The following CAMK4 variants were observed in gnomAD, a reference collection of about 807,000 sequenced individuals.
CAMK4 encodes calcium/calmodulin dependent protein kinase IV, also known as calcium/calmodulin-dependent protein kinase type IV.
Under a neutral mutation model 44.9 loss-of-function variants are expected in CAMK4, and 22 were observed. The observed-to-expected ratio is 0.49, with a 90% CI of 0.35 to 0.70. The LOEUF is 0.70. CAMK4 is among the 30% of genes least tolerant of loss of function. The pLI, the probability that CAMK4 is intolerant of heterozygous loss-of-function variation, is 0.01. For missense variants in CAMK4, 498 were observed against 586.8 expected (o/e 0.85, Z 1.56); for synonymous variants, 218 against 215.4 (o/e 1.01, Z -0.11).
chr5:111,243,839 A>T lies in CAMK4; in HGVS notation c.161+19195A>T, dbSNP rs989355156. Among the ~76,000 whole-genome samples the T allele has an allele frequency of 5.3e-5, 8 of 152,328 alleles. No individual in the cohort carries two copies. In the East Asian group the frequency reaches 1.5e-3, roughly 29 times the overall value. On this transcript the variant is annotated intron_variant, in intron 1 of 10. Coordinates refer to ENST00000282356, the MANE Select transcript of CAMK4 (RefSeq NM_001744.6). ...GATATTGTGACTGTATCTTGTGCCT[A>T]TAGCTGCACGAATGCAACATGCATT... is the stretch of plus-strand genomic sequence containing the variant.
chr5:111,335,267 C>T (rs1749351896), intron 1 of CAMK4, among the ~76,000 whole-genome samples: 3 of 151,380 alleles, frequency 2.0e-5, no homozygotes, highest in Admixed American at 1.3e-4. Context: ...TAGGAGAATG[C>T]CCTTGATGCT....
chr5:111,335,725 G>C (rs1749373759), intron 1 of CAMK4, among the ~76,000 whole-genome samples: 1 of 151,144 alleles, frequency 6.6e-6, no homozygotes, highest in South Asian at 2.1e-4. Flanking sequence ...CATAAGTTTG[G>C]CATGCAGTGC....
intron 4 of CAMK4, 51 bp downstream of exon 4, chr5:111,376,993 A>G: frequency 1.8e-6 from 2 of 1,132,876 alleles, no homozygotes; most frequent in East Asian, 4.8e-5. Flanking sequence ...TTTGGCCACC[A>G]AAAAATAATC....
chr5:111,355,506 A>ATTTATTTATTTAT (rs1750303605), intron 2 of CAMK4, among the ~76,000 whole-genome samples: 1 of 150,420 alleles, frequency 6.6e-6, no homozygotes, highest in Non-Finnish European at 1.5e-5. Context: ...TTATTTATTT[A>ATTTATTTATTTAT]TTTATTTTAT....
intron 1 of CAMK4, among the ~76,000 whole-genome samples, chr5:111,317,239 A>T (rs1228778784): frequency 6.6e-6 from 1 of 152,148 alleles, no homozygotes; most frequent in Non-Finnish European, 1.5e-5. Flanking sequence ...CTAAAAAATG[A>T]ATGTCAAATT....
At position 111,486,316 on chromosome 5, in the gene CAMK4, G is replaced by A. The variant is rs1034082629; in HGVS notation, c.*1850G>A. The A allele has an allele frequency of 9.9e-5, 15 of 152,006 alleles. No homozygotes were observed. Among genetic ancestry groups the A allele is most frequent in the African/African-American group, 3.1e-4 (13 of 41,364 alleles). 9.4% of individuals were successfully genotyped at this position (152,006 alleles called of 1,614,324 possible). On this transcript the variant is annotated 3_prime_UTR_variant, in exon 11 of 11. Transcript: ENST00000282356. ...TTTGTTTTATTTGTACTATCTAGTA[G>A]AGAGCACTTTTCTTATTCCCTCTTT...
intron 1 of CAMK4, among the ~76,000 whole-genome samples, chr5:111,256,337 G>A (rs953967971): frequency 3.2e-4 from 48 of 152,292 alleles, no homozygotes; most frequent in African/African-American, 1.1e-3. Flanking sequence ...TGATACTATT[G>A]TGGGGATGTA....
At chr5:111,289,365 A>G (rs1454145452) in intron 1 of CAMK4, among the ~76,000 whole-genome samples, 1 of 152,168 alleles carries the variant, frequency 6.6e-6, no homozygotes. Context: ...AAGAAAAAGA[A>G]AAAAGAAATA....
chr5:111,447,651 G>A (rs1463783759), intron 6 of CAMK4, among the ~76,000 whole-genome samples: 3 of 152,086 alleles, frequency 2.0e-5, no homozygotes, highest in Non-Finnish European at 2.9e-5. Flanking sequence ...CTCACTAGTG[G>A]AATCTTCATT....
rs1435001003 is a variant in CAMK4 at position 111,485,063 on chromosome 5, G to T, written c.*597G>T. 6.6e-6 allele frequency: 1 copy of T among 152,150 alleles called. No homozygotes were observed. The highest frequency in any genetic ancestry group is 1.5e-5 in the Non-Finnish European group (1 of 68,018). 9.4% of individuals were successfully genotyped at this position (152,150 alleles called of 1,614,324 possible). A position where few individuals can be genotyped will look rare whatever the true frequency, so the allele number is the denominator to read the frequency against. On this transcript the variant is annotated 3_prime_UTR_variant, in exon 11 of 11. Transcript: ENST00000282356. ...CATATGTCCCTAAAGCCTGTGTGGA[G>T]AATGCTTTATTTTATTCTTATTTAT...
At chr5:111,419,437 C>T (rs1470112201) in intron 5 of CAMK4, among the ~76,000 whole-genome samples, 1 of 152,130 alleles carries the variant, frequency 6.6e-6, no homozygotes, top group Non-Finnish European at 1.5e-5. Flanking sequence ...TGCAGAAACT[C>T]TTTAATTTAA....
intron 1 of CAMK4, among the ~76,000 whole-genome samples, chr5:111,249,755 G>T (rs977935913): frequency 6.7e-6 from 1 of 149,704 alleles, no homozygotes; most frequent in Non-Finnish European, 1.5e-5. Flanking sequence ...AGGGCTATAG[G>T]TTAATGTTTT....
chr5:111,466,330 G>T (rs1754826170), intron 7 of CAMK4, among the ~76,000 whole-genome samples: 1 of 152,114 alleles, frequency 6.6e-6, no homozygotes, highest in South Asian at 2.1e-4. Context: ...ATTCATCATA[G>T]TACTGGAAGT....
At chr5:111,245,747 G>A (rs1205970348) in intron 1 of CAMK4, among the ~76,000 whole-genome samples, 1 of 152,196 alleles carries the variant, frequency 6.6e-6, no homozygotes, top group African/African-American at 2.4e-5. Flanking sequence ...TGACTGCTGT[G>A]TGTGCCATAA....
At position 111,356,785 on chromosome 5, in the gene CAMK4, G is replaced by C. The variant is rs150250040; in HGVS notation, c.240+12683G>C. 5.5e-3 allele frequency among the ~76,000 whole-genome samples: 832 copies of C among 152,164 alleles called. 8 individuals carry two copies. Among genetic ancestry groups the C allele is most frequent in the African/African-American group, 0.019 (807 of 41,530 alleles). On this transcript the variant is annotated intron_variant, in intron 2 of 10. Coordinates refer to ENST00000282356, the MANE Select transcript of CAMK4 (RefSeq NM_001744.6). ...AATCCTTTCCCCATTTCTTGTTTTT[G>C]TCAGGTTTGTCAAAGATCAGATAGT...
At position 111,414,466 on chromosome 5, in the gene CAMK4, C is replaced by T. The variant is rs573315215; in HGVS notation, c.459+19684C>T. Among the ~76,000 whole-genome samples the T allele has an allele frequency of 7.9e-5, 12 of 152,302 alleles. No homozygotes were observed. The South Asian group carries it at 2.5e-3, about 32-fold the overall frequency. ...GTTAATGATTTAAATCAACACCAAA[C>T]ATCAGCATCTTCAGTAATATCAAAG... On this transcript the variant is annotated intron_variant, in intron 5 of 10. Coordinates refer to ENST00000282356, the MANE Select transcript of CAMK4 (RefSeq NM_001744.6).
chr5:111,440,249 G>A (rs1383649707), intron 5 of CAMK4, among the ~76,000 whole-genome samples: 5 of 152,158 alleles, frequency 3.3e-5, no homozygotes, highest in Non-Finnish European at 7.4e-5. Context: ...GAGGGCATGG[G>A]ATGAGATCCA....
At chr5:111,338,465 T>C (rs1749502247) in intron 1 of CAMK4, among the ~76,000 whole-genome samples, 1 of 151,428 alleles carries the variant, frequency 6.6e-6, no homozygotes, top group Non-Finnish European at 1.5e-5. Context: ...AATTCTTTAG[T>C]TTAATTAGGT....
At chr5:111,353,167 G>A (rs1160799135) in intron 2 of CAMK4, among the ~76,000 whole-genome samples, 1 of 152,042 alleles carries the variant, frequency 6.6e-6, no homozygotes, top group Non-Finnish European at 1.5e-5. Context: ...AGCAATCACT[G>A]TGTGCCAGGA....
Sources: allele counts gnomAD v4.1 joint callset (sites outside exome capture counted in the v4.1 genomes callset), GRCh38; gene constraint gnomAD v4.1.1; transcripts MANE v1.5; gene names NCBI Gene and HGNC (gene_info 2026-07-23, HGNC 2026-07-21).